Variants in GSG1L observed in about 807,000 individuals in gnomAD.
The protein encoded by GSG1L is germ cell-specific gene 1-like protein.
Under a neutral mutation model 42.1 loss-of-function variants are expected in GSG1L, and 24 were observed. The ratio of observed to expected loss-of-function variants is 0.57; its 90% CI spans 0.41 to 0.80. The LOEUF is 0.80. GSG1L is among the 30% of genes least tolerant of loss of function. The pLI is 0.00. For synonymous variants in GSG1L, 215 were observed against 203.5 expected (o/e 1.06, Z -0.48); for missense variants, 445 against 472.2 (o/e 0.94, Z 0.53).
chr16:27,944,827 C>A (rs2141087263), intron 2 of GSG1L, among the ~76,000 whole-genome samples: 1 of 152,138 alleles, frequency 6.6e-6, no homozygotes, highest in South Asian at 2.1e-4. Flanking sequence ...GTAATCCTAG[C>A]ACTCTAGGAG....
chr16:28,033,906 G>C (rs546261936), intron 1 of GSG1L, among the ~76,000 whole-genome samples: 10 of 152,146 alleles, frequency 6.6e-5, no homozygotes, highest in African/African-American at 2.4e-4. Context: ...AATTGTTGAA[G>C]AGAGAAGTTC....
At chr16:27,868,811 C>T (rs1007507187) in intron 3 of GSG1L, among the ~76,000 whole-genome samples, 4 of 152,056 alleles carry the variant, frequency 2.6e-5, no homozygotes, top group East Asian at 1.9e-4. Context: ...ATCGTCTGCC[C>T]GTCTGCTGCC....
At chr16:27,994,357 G>T (rs2085490906) in intron 1 of GSG1L, among the ~76,000 whole-genome samples, 2 of 152,142 alleles carry the variant, frequency 1.3e-5, no homozygotes, top group South Asian at 2.1e-4. Context: ...GTGTCATAGG[G>T]AACAATTCTC....
At chr16:27,822,226 G>A (rs1228492919) in intron 5 of GSG1L, among the ~76,000 whole-genome samples, 2 of 152,148 alleles carry the variant, frequency 1.3e-5, no homozygotes, top group African/African-American at 4.8e-5. Flanking sequence ...ATTGAAGCTC[G>A]GAGAGGTGAA....
chr16:27,793,097 G>A (rs1321922355), intron 6 of GSG1L, among the ~76,000 whole-genome samples: 1 of 152,208 alleles, frequency 6.6e-6, no homozygotes, highest in Non-Finnish European at 1.5e-5. Flanking sequence ...GCCCATTGAG[G>A]TGGGAATTCC....
rs868017642 is a variant in GSG1L at position 27,979,735 on chromosome 16, A to G, written c.350-16532T>C. 1.2e-3 allele frequency among the ~76,000 whole-genome samples: 66 copies of G among 57,274 alleles called. 1 individual carries two copies. The highest frequency in any genetic ancestry group is 8.8e-3 in the East Asian group (18 of 2,046). 37.6% of individuals were successfully genotyped at this position (57,274 alleles called of 152,430 possible). ...GGAAGGAAGGAAGGAAGGAAAGAAA[A>G]AGAAAGAAAGAAAGGAAAGAAAGAA... On this transcript the variant is annotated intron_variant, in intron 1 of 6. Transcript: ENST00000447459.
Position 27,967,673 on chromosome 16 carries a change from C to T in GSG1L, c.350-4470G>A, listed in dbSNP as rs111291682. On this transcript the variant is annotated intron_variant, in intron 1 of 6. Coordinates refer to ENST00000447459, the MANE Select transcript of GSG1L (RefSeq NM_001109763.2). ...AGGCACGGTGGCTCATGCCTATAAT[C>T]TCAGCACTTTCGGAGGATCACTTGA... 7.9e-4 allele frequency among the ~76,000 whole-genome samples: 120 copies of T among 152,322 alleles called. 1 individual carries two copies. The highest frequency in any genetic ancestry group is 2.8e-3 in the African/African-American group (116 of 41,574).
intron 1 of GSG1L, among the ~76,000 whole-genome samples, chr16:28,019,702 G>A (rs957265317): frequency 5.9e-5 from 9 of 152,152 alleles, no homozygotes; most frequent in East Asian, 1.9e-4. Flanking sequence ...AGCATCAATC[G>A]TCCAAAGGGT....
At chr16:27,791,833 CA>C (rs2082758077) in intron 6 of GSG1L, among the ~76,000 whole-genome samples, 1 of 152,086 alleles carries the variant, frequency 6.6e-6, no homozygotes, top group Non-Finnish European at 1.5e-5. Context: ...ACCACTCCCC[CA>C]GCCATCCTCC....
rs749984804 is a variant in GSG1L at position 28,031,326 on chromosome 16, GGGATGAGATGGGATGGGATT to G, written c.349+31730_349+31749del. ...GGGATGAGATGGAATGGGATGGGAT[GGGATGAGATGGGATGGGATT>G]GGATGAGATGGGATGGGGTGGGATG... On this transcript the variant is annotated intron_variant, in intron 1 of 6. Transcript: ENST00000447459. Among the ~76,000 whole-genome samples, 615 of 147,360 alleles carry G rather than the reference GGGATGAGATGGGATGGGATT, an allele frequency of 4.2e-3. 3 individuals are homozygous for G. The highest frequency in any genetic ancestry group is 7.4e-3 in the Non-Finnish European group (493 of 66,524).
intron 5 of GSG1L, among the ~76,000 whole-genome samples, chr16:27,819,023 G>C (rs1206357768): frequency 6.6e-6 from 1 of 152,174 alleles, no homozygotes; most frequent in Non-Finnish European, 1.5e-5. Flanking sequence ...GCCGAGGCGA[G>C]TGGATCACAA....
intron 6 of GSG1L, among the ~76,000 whole-genome samples, chr16:27,800,167 T>C (rs2082865360): frequency 6.6e-6 from 1 of 152,208 alleles, no homozygotes; most frequent in Admixed American, 6.5e-5. Flanking sequence ...TTGGCATTGA[T>C]ATTTATTTTA....
chr16:27,883,258 G>A (rs2083982952), intron 3 of GSG1L, among the ~76,000 whole-genome samples: 1 of 105,216 alleles, frequency 9.5e-6, no homozygotes, highest in Non-Finnish European at 2.1e-5. Flanking sequence ...ATAAATAAAA[G>A]ATGGAGGGGA....
chr16:28,051,135 G>C (rs988461611), intron 1 of GSG1L, among the ~76,000 whole-genome samples: 1 of 152,180 alleles, frequency 6.6e-6, no homozygotes, highest in African/African-American at 2.4e-5. Context: ...CTCCTTCTGA[G>C]TCAACCCAAG....
intron 2 of GSG1L, among the ~76,000 whole-genome samples, chr16:27,962,586 A>G (rs1350052601): frequency 6.6e-6 from 1 of 152,158 alleles, no homozygotes; most frequent in Non-Finnish European, 1.5e-5. Flanking sequence ...AACTAAACCT[A>G]ATCCTGACTG....
intron 1 of GSG1L, among the ~76,000 whole-genome samples, chr16:28,023,029 A>G (rs1314701664): frequency 6.6e-6 from 1 of 152,016 alleles, no homozygotes; most frequent in Non-Finnish European, 1.5e-5. Context: ...AGGTCTCACT[A>G]TGTTGCCTAG....
At chr16:27,977,062 AAG>A (rs1412080898) in intron 1 of GSG1L, among the ~76,000 whole-genome samples, 1 of 152,122 alleles carries the variant, frequency 6.6e-6, no homozygotes, top group East Asian at 1.9e-4. Flanking sequence ...CACAACCCGG[AAG>A]AGAGTCCAGA....
At chr16:27,979,749 G>GGAAAGAAAGAAAGAAAGAAAGAAA (rs71140937) in intron 1 of GSG1L, among the ~76,000 whole-genome samples, 4 of 99,104 alleles carry the variant, frequency 4.0e-5, no homozygotes, top group African/African-American at 1.3e-4. Context: ...AAGAAAGAAA[G>GGAAAGAAAGAAAGAAAGAAAGAAA]GAAAGAAAGA....
chr16:28,053,187 A>C (rs1425633529), intron 1 of GSG1L, among the ~76,000 whole-genome samples: 2 of 152,240 alleles, frequency 1.3e-5, no homozygotes, highest in East Asian at 1.9e-4. Flanking sequence ...GAAGCCCCAC[A>C]AATGTGTCCA....
Sources: gnomAD v4.1 joint callset for allele counts (sites outside exome capture counted in the v4.1 genomes callset) on GRCh38, gnomAD v4.1.1 for gene constraint, MANE v1.5 for transcripts, NCBI Gene and HGNC (gene_info 2026-07-23, HGNC 2026-07-21) for gene names.